Variants in CERT1 observed in about 807,000 individuals in gnomAD.
CERT1 encodes ceramide transfer protein.
In CERT1, 31 loss-of-function variants were observed where a neutral mutation model predicts 87.9. That is an observed-to-expected ratio of 0.35 (90% confidence interval 0.27 to 0.48). The LOEUF is 0.48. CERT1 is among the 20% of genes least tolerant of loss of function. The probability of loss-of-function intolerance (pLI) is 0.99; values close to 1 mark genes in which losing one functional copy is unlikely to be tolerated. For synonymous variants in CERT1, 289 were observed against 250.9 expected (o/e 1.15, Z -1.44); for missense variants, 487 against 758.0 (o/e 0.64, Z 4.20).
intron 7 of CERT1, among the ~76,000 whole-genome samples, chr5:75,412,634 A>G (rs1052011844): frequency 1.3e-5 from 2 of 152,242 alleles, no homozygotes; most frequent in Admixed American, 6.5e-5. Flanking sequence ...CATTTACAAC[A>G]TATGACTGCA....
chr5:75,507,389 G>T (rs966347388), intron 1 of CERT1, among the ~76,000 whole-genome samples: 5 of 152,068 alleles, frequency 3.3e-5, no homozygotes, highest in Non-Finnish European at 7.4e-5. Context: ...GGGACTACAG[G>T]TGAGCCACCA....
At chr5:75,389,407 T>A (rs990792871) in intron 12 of CERT1, among the ~76,000 whole-genome samples, 185 bp downstream of exon 12, 8 of 152,236 alleles carry the variant, frequency 5.3e-5, no homozygotes, top group African/African-American at 1.9e-4. Flanking sequence ...AAACCTTTAG[T>A]AAAGGCAAAG....
intron 14 of CERT1, among the ~76,000 whole-genome samples, chr5:75,384,107 T>C (rs1229819109): frequency 3.3e-5 from 5 of 152,206 alleles, no homozygotes; most frequent in Admixed American, 6.5e-5. Context: ...ATTACCCTTA[T>C]TGTTGTTGTC....
chr5:75,433,150 T>G (rs1018726657), intron 3 of CERT1, among the ~76,000 whole-genome samples: 2 of 152,216 alleles, frequency 1.3e-5, no homozygotes, highest in African/African-American at 4.8e-5. Context: ...GCTTTGTTCT[T>G]TTTGCTGAGG....
chr5:75,425,317 C>T (rs139464021), intron 5 of CERT1, 44 bp downstream of exon 5: 1 of 1,567,322 alleles, frequency 6.4e-7, no homozygotes, highest in Non-Finnish European at 8.7e-7. Context: ...GGCTTTTAAT[C>T]CATTCATTCT....
intron 2 of CERT1, among the ~76,000 whole-genome samples, chr5:75,471,188 T>A (rs1472348471): frequency 6.6e-6 from 1 of 152,136 alleles, no homozygotes; most frequent in African/African-American, 2.4e-5. Flanking sequence ...AAATATGCTT[T>A]TTGGTGATTT....
intron 17 of CERT1, chr5:75,372,100 G>C (rs550957293): frequency 3.3e-5 from 5 of 152,224 alleles, no homozygotes; most frequent in South Asian, 2.1e-4. Flanking sequence ...ATCACATTTA[G>C]TCCAAATGCA....
chr5:75,467,056 G>A (rs1332251075), intron 2 of CERT1, among the ~76,000 whole-genome samples: 2 of 152,018 alleles, frequency 1.3e-5, no homozygotes, highest in Non-Finnish European at 2.9e-5. Context: ...GCCCCAAACT[G>A]GAAATAACCC....
intron 10 of CERT1, 81 bp downstream of exon 10, chr5:75,400,124 C>G (rs1444651710): frequency 9.7e-7 from 1 of 1,036,076 alleles, no homozygotes; most frequent in African/African-American, 1.6e-5. Context: ...GAGTGAGACT[C>G]CGTCTCAAAT....
intron 3 of CERT1, among the ~76,000 whole-genome samples, chr5:75,427,777 G>A (rs1037049496): frequency 5.3e-5 from 8 of 152,036 alleles, no homozygotes; most frequent in Non-Finnish European, 1.2e-4. Flanking sequence ...TTTGAATGGT[G>A]AAAACAAACC....
At chr5:75,471,170 G>A (rs1310178177) in intron 2 of CERT1, among the ~76,000 whole-genome samples, 1 of 152,126 alleles carries the variant, frequency 6.6e-6, no homozygotes, top group Non-Finnish European at 1.5e-5. Context: ...ATGGGGATGT[G>A]TTCTGAGAAA....
chr5:75,412,119 G>A (rs970773508), intron 7 of CERT1, among the ~76,000 whole-genome samples: 2 of 152,176 alleles, frequency 1.3e-5, no homozygotes, highest in Non-Finnish European at 1.5e-5. Context: ...CAGTATGTTT[G>A]TAAATAATCT....
chr5:75,445,440 CGT>C (rs1326497220), intron 3 of CERT1, among the ~76,000 whole-genome samples: 5 of 152,084 alleles, frequency 3.3e-5, no homozygotes, highest in African/African-American at 1.2e-4. Context: ...TTTATTTGGG[CGT>C]GTTTAAATTT....
At chr5:75,425,152 A>C in intron 5 of CERT1, 1 of 453,584 alleles carries the variant, frequency 2.2e-6, no homozygotes, top group Non-Finnish European at 3.9e-6. Context: ...AAAGGTCTTC[A>C]ATGGCATCTG....
chr5:75,404,553 C>G (rs1762630767), intron 8 of CERT1, among the ~76,000 whole-genome samples: 1 of 152,120 alleles, frequency 6.6e-6, no homozygotes, highest in African/African-American at 2.4e-5. Flanking sequence ...ACAAAATATC[C>G]AAACTCAAGC....
chr5:75,479,699 T>C (rs149044376), intron 2 of CERT1, among the ~76,000 whole-genome samples: 2 of 152,324 alleles, frequency 1.3e-5, no homozygotes, highest in African/African-American at 4.8e-5. Context: ...CTGATGGACA[T>C]TTAGGTTGAC....
intron 1 of CERT1, among the ~76,000 whole-genome samples, chr5:75,508,564 TA>T (rs1224997773): frequency 6.6e-6 from 1 of 152,178 alleles, no homozygotes; most frequent in Non-Finnish European, 1.5e-5. Flanking sequence ...TCTGCTCTCA[TA>T]ATGTTCCCTC....
At chr5:75,461,623 A>AG (rs924034560) in intron 2 of CERT1, among the ~76,000 whole-genome samples, 11 of 152,198 alleles carry the variant, frequency 7.2e-5, no homozygotes, top group Non-Finnish European at 1.6e-4. Context: ...AAATATACTT[A>AG]TTAAAGTTTT....
chr5:75,485,083 G>C (rs147021712), intron 2 of CERT1, among the ~76,000 whole-genome samples: 1 of 151,780 alleles, frequency 6.6e-6, no homozygotes, highest in Non-Finnish European at 1.5e-5. Context: ...TAAACAACAC[G>C]CTCCAGAATG....
Sources: gnomAD v4.1 joint callset for allele counts (sites outside exome capture counted in the v4.1 genomes callset) on GRCh38, gnomAD v4.1.1 for gene constraint, MANE v1.5 for transcripts, NCBI Gene and HGNC (gene_info 2026-07-23, HGNC 2026-07-21) for gene names.